The following CDH22 variants were observed in gnomAD, a reference collection of about 807,000 sequenced individuals.
The protein encoded by CDH22 is cadherin-22.
CDH22 carries 30 observed loss-of-function variants against 58.4 expected under a neutral mutation model. That is an observed-to-expected ratio of 0.51 (90% CI 0.38 to 0.70). The LOEUF (loss-of-function observed/expected upper bound fraction) is 0.70, where lower values mean the gene tolerates loss of function less well. Ranked by LOEUF, CDH22 falls within the 30% of genes least tolerant of loss-of-function variation. The probability of loss-of-function intolerance (pLI) is 0.00; values close to 1 mark genes in which losing one functional copy is unlikely to be tolerated. For missense variants in CDH22, 1,014 were observed against 1,233.9 expected (o/e 0.82, Z 2.67); for synonymous variants, 513 against 558.2 (o/e 0.92, Z 1.14).
At chr20:46,281,544 T>C (rs2086551079) in intron 1 of CDH22, among the ~76,000 whole-genome samples, 1 of 152,208 alleles carries the variant, frequency 6.6e-6, no homozygotes, top group African/African-American at 2.4e-5. Context: ...TCAGGGAGCG[T>C]TGACACGGGT....
chr20:46,189,758 T>A (rs2085850755), intron 8 of CDH22, among the ~76,000 whole-genome samples: 1 of 152,156 alleles, frequency 6.6e-6, no homozygotes, highest in African/African-American at 2.4e-5. Context: ...TAAATTGCCA[T>A]CTGCATATCT....
chr20:46,266,376 T>C (rs1315916039), intron 1 of CDH22, among the ~76,000 whole-genome samples: 1 of 152,164 alleles, frequency 6.6e-6, no homozygotes, highest in Non-Finnish European at 1.5e-5. Context: ...GCTCTGCTCA[T>C]TGAAGGTCTT....
At chr20:46,293,503 G>T (rs1354672618) in intron 1 of CDH22, among the ~76,000 whole-genome samples, 1 of 151,992 alleles carries the variant, frequency 6.6e-6, no homozygotes, top group Non-Finnish European at 1.5e-5. Context: ...GGGTGGCTGG[G>T]GGTAGGGGGA....
intron 3 of CDH22, among the ~76,000 whole-genome samples, chr20:46,233,042 AC>A (rs1236230061): frequency 1.3e-5 from 2 of 152,240 alleles, no homozygotes; most frequent in African/African-American, 4.8e-5. Flanking sequence ...CAGTAGAAAC[AC>A]AGAGGTTAAG....
chr20:46,273,539 G>T (rs999697092), intron 1 of CDH22, among the ~76,000 whole-genome samples: 2 of 152,180 alleles, frequency 1.3e-5, no homozygotes, highest in African/African-American at 4.8e-5. Context: ...GGAAACCCAG[G>T]TGTCCAATGT....
intron 10 of CDH22, among the ~76,000 whole-genome samples, chr20:46,180,336 A>C (rs374959926): frequency 2.0e-5 from 3 of 152,190 alleles, no homozygotes; most frequent in Non-Finnish European, 2.9e-5. Context: ...GCAGAATCTC[A>C]GGCCCCTTGG....
chr20:46,215,639 G>A (rs1426934721), intron 5 of CDH22, among the ~76,000 whole-genome samples: 1 of 152,210 alleles, frequency 6.6e-6, no homozygotes, highest in Non-Finnish European at 1.5e-5. Context: ...TGTTGTTTTT[G>A]TGTGCCATAG....
chr20:46,175,001 C>T lies in CDH22; in HGVS notation c.1992G>A (p.Arg664=). 6.2e-7 allele frequency: 1 copy of T among 1,609,102 alleles called. No individual in the cohort carries two copies. The highest frequency in any genetic ancestry group is 8.5e-7 in the Non-Finnish European group (1 of 1,179,572). ...HLSSDEDEDM[R]DNVIKYNDEG... ...CGTCGTTGTATTTGATGACGTTGTCCCGCATGTCTTCATCCTCGTCCGAGC... is the reference window on the plus strand; with the variant it reads ...CGTCGTTGTATTTGATGACGTTGTCTCGCATGTCTTCATCCTCGTCCGAGC... Residue 664 remains arginine, a synonymous_variant, in exon 12 of 12, where the codon CGG becomes CGA. Transcript: ENST00000537909.
At chr20:46,221,210 G>T (rs1243713865) in intron 4 of CDH22, among the ~76,000 whole-genome samples, 2 of 151,834 alleles carry the variant, frequency 1.3e-5, no homozygotes, top group Admixed American at 6.6e-5. Context: ...CTGCCAAGCT[G>T]ACACACCAAA....
chr20:46,204,774 A>G (rs2085988438), intron 7 of CDH22, among the ~76,000 whole-genome samples: 1 of 152,186 alleles, frequency 6.6e-6, no homozygotes, highest in Non-Finnish European at 1.5e-5. Flanking sequence ...CAACAGCACA[A>G]AATGCTGCTG....
At chr20:46,275,484 C>T (rs1324727940) in intron 1 of CDH22, among the ~76,000 whole-genome samples, 5 of 152,182 alleles carry the variant, frequency 3.3e-5, no homozygotes, top group African/African-American at 1.2e-4. Context: ...CACCTTCTAA[C>T]ATATTATGCG....
At chr20:46,260,706 A>G (rs1006999112) in intron 1 of CDH22, among the ~76,000 whole-genome samples, 1 of 152,192 alleles carries the variant, frequency 6.6e-6, no homozygotes, top group African/African-American at 2.4e-5. Context: ...GATGGCCAGC[A>G]TGTCCTTTCT....
intron 6 of CDH22, among the ~76,000 whole-genome samples, chr20:46,211,494 G>A (rs2086043270): frequency 6.6e-6 from 1 of 152,212 alleles, no homozygotes; most frequent in Admixed American, 6.5e-5. Context: ...AGGAGTGAGT[G>A]GTGGACTCTG....
intron 1 of CDH22, among the ~76,000 whole-genome samples, chr20:46,278,046 G>A (rs1053935591): frequency 1.1e-4 from 17 of 151,938 alleles, no homozygotes; most frequent in South Asian, 2.1e-4. Context: ...AGGATCCTCC[G>A]TGATGACAGG....
At chr20:46,175,167 C>G in intron 11 of CDH22, 90 bp from the exon 12 acceptor site, 2 of 1,290,530 alleles carry the variant, frequency 1.5e-6, no homozygotes, top group Non-Finnish European at 2.1e-6. Flanking sequence ...CGCCTCCCAC[C>G]CAGCAGAGCG....
At chr20:46,178,475 C>T (rs2145644581) in intron 10 of CDH22, among the ~76,000 whole-genome samples, 1 of 152,140 alleles carries the variant, frequency 6.6e-6, no homozygotes, top group Admixed American at 6.5e-5. Flanking sequence ...TCAAACCATC[C>T]CAAGATTCTG....
intron 4 of CDH22, among the ~76,000 whole-genome samples, chr20:46,217,837 A>G (rs1471107291): frequency 6.6e-6 from 1 of 152,200 alleles, no homozygotes; most frequent in African/African-American, 2.4e-5. Context: ...ACACACACAG[A>G]CACACTAACA....
At chr20:46,268,540 C>T (rs978486921) in intron 1 of CDH22, among the ~76,000 whole-genome samples, 3 of 152,254 alleles carry the variant, frequency 2.0e-5, no homozygotes, top group African/African-American at 7.2e-5. Context: ...GGTTCCCTCC[C>T]TCCCACCACC....
At chr20:46,269,059 T>C (rs1448100068) in intron 1 of CDH22, among the ~76,000 whole-genome samples, 2 of 152,250 alleles carry the variant, frequency 1.3e-5, no homozygotes, top group African/African-American at 4.8e-5. Context: ...AGTTGCCAAA[T>C]AATTGATCAG....
Sources: allele counts gnomAD v4.1 joint callset (sites outside exome capture counted in the v4.1 genomes callset), GRCh38; gene constraint gnomAD v4.1.1; transcripts MANE v1.5; gene names NCBI Gene and HGNC (gene_info 2026-07-23, HGNC 2026-07-21).